The following NKAIN2 variants were observed in gnomAD, a reference collection of about 807,000 sequenced individuals.
The protein encoded by NKAIN2 is sodium/potassium transporting ATPase interacting 2, also known as sodium/potassium-transporting ATPase subunit beta-1-interacting protein 2.
A neutral mutation model predicts 32.6 loss-of-function variants in NKAIN2; 14 were observed. The ratio of observed to expected loss-of-function variants is 0.43; its 90% CI spans 0.28 to 0.67. The LOEUF is 0.67. Ranked by LOEUF, NKAIN2 falls within the 30% of genes least tolerant of loss-of-function variation. NKAIN2 has a pLI of 0.17. For missense variants in NKAIN2, 198 were observed against 258.3 expected, an observed-to-expected ratio of 0.77 and a Z score of 1.60; for synonymous variants, 80 against 87.2, an observed-to-expected ratio of 0.92 and a Z score of 0.46.
At chr6:124,657,724 T>C (rs530379242) in intron 3 of NKAIN2, among the ~76,000 whole-genome samples, 1 of 151,914 alleles carries the variant, frequency 6.6e-6, no homozygotes, top group Non-Finnish European at 1.5e-5. Context: ...CACAATATTA[T>C]GTTAAATGTT....
chr6:124,346,041 T>A (rs1420456832), intron 2 of NKAIN2, among the ~76,000 whole-genome samples: 2 of 152,202 alleles, frequency 1.3e-5, no homozygotes, highest in Non-Finnish European at 2.9e-5. Context: ...GTGTCTTTGT[T>A]CTCGTTGGTT....
At chr6:124,112,697 A>G (rs1378978693) in intron 1 of NKAIN2, among the ~76,000 whole-genome samples, 1 of 152,038 alleles carries the variant, frequency 6.6e-6, no homozygotes, top group Non-Finnish European at 1.5e-5. Flanking sequence ...CATAATTTGT[A>G]TATTGGTCTG....
At chr6:124,452,314 A>G (rs777796651) in intron 3 of NKAIN2, among the ~76,000 whole-genome samples, 1 of 151,896 alleles carries the variant, frequency 6.6e-6, no homozygotes. Context: ...TGTTGACCAG[A>G]GCATTGGTCA....
intron 4 of NKAIN2, among the ~76,000 whole-genome samples, chr6:124,771,815 T>G (rs1016466042): frequency 2.6e-4 from 39 of 152,270 alleles, no homozygotes; most frequent in African/African-American, 8.9e-4. Context: ...AGGTGACACT[T>G]AAGCTGAGTT....
At chr6:124,820,568 T>G (rs556999796) in intron 6 of NKAIN2, among the ~76,000 whole-genome samples, 1 of 152,180 alleles carries the variant, frequency 6.6e-6, no homozygotes, top group Non-Finnish European at 1.5e-5. Flanking sequence ...AGAAGTAACA[T>G]ACACTGCAAG....
chr6:124,751,631 A>G (rs576466473), intron 4 of NKAIN2, among the ~76,000 whole-genome samples: 1 of 152,006 alleles, frequency 6.6e-6, no homozygotes, highest in East Asian at 1.9e-4. Context: ...CCGTGGCTGT[A>G]GTAGAGTAGG....
At chr6:123,906,963 C>G (rs1173548927) in intron 1 of NKAIN2, among the ~76,000 whole-genome samples, 1 of 152,124 alleles carries the variant, frequency 6.6e-6, no homozygotes, top group East Asian at 1.9e-4. Flanking sequence ...AAGACAAGTA[C>G]TTTTTTAAGC....
intron 1 of NKAIN2, among the ~76,000 whole-genome samples, chr6:124,268,465 C>T (rs1270630088): frequency 6.6e-6 from 1 of 151,914 alleles, no homozygotes; most frequent in Non-Finnish European, 1.5e-5. Context: ...GAAGGAAAGT[C>T]GTTAGGAGAT....
At chr6:124,786,406 C>T (rs375238900) in intron 4 of NKAIN2, among the ~76,000 whole-genome samples, 3 of 152,046 alleles carry the variant, frequency 2.0e-5, no homozygotes, top group South Asian at 2.1e-4. Context: ...ATAGATTAAA[C>T]GCTAAGGTTG....
chr6:124,680,915 T>G (rs775387122), intron 4 of NKAIN2, among the ~76,000 whole-genome samples: 1 of 151,898 alleles, frequency 6.6e-6, no homozygotes, highest in Non-Finnish European at 1.5e-5. Flanking sequence ...TAAAATATAC[T>G]TCTACTTAGT....
At chr6:124,253,623 T>C (rs1793786430) in intron 1 of NKAIN2, among the ~76,000 whole-genome samples, 1 of 152,118 alleles carries the variant, frequency 6.6e-6, no homozygotes, top group Non-Finnish European at 1.5e-5. Flanking sequence ...TTATTTACCT[T>C]GAAAATCAAA....
chr6:124,657,914 T>C (rs144689061), intron 3 of NKAIN2, among the ~76,000 whole-genome samples: 1 of 152,146 alleles, frequency 6.6e-6, no homozygotes, highest in Admixed American at 6.5e-5. Flanking sequence ...TGAATATAAA[T>C]CATTAGTAAT....
At chr6:124,754,196 C>T (rs1777855969) in intron 4 of NKAIN2, among the ~76,000 whole-genome samples, 1 of 152,012 alleles carries the variant, frequency 6.6e-6, no homozygotes. Flanking sequence ...AAGTCATTTG[C>T]AATGACTTCA....
chr6:124,071,439 C>T (rs1242042394), intron 1 of NKAIN2, among the ~76,000 whole-genome samples: 2 of 152,126 alleles, frequency 1.3e-5, no homozygotes, highest in African/African-American at 4.8e-5. Flanking sequence ...ACTAAGTCCT[C>T]AAAAGCAATT....
chr6:123,850,493 A>G lies in NKAIN2; in HGVS notation c.54+46239A>G, dbSNP rs1047490443. Among the ~76,000 whole-genome samples the G allele has an allele frequency of 3.3e-5, 5 of 152,140 alleles. No homozygotes were observed. The South Asian group carries it at 1.0e-3, about 32-fold the overall frequency. Reference sequence around the variant, plus strand: ...TTGAGGCAATGAGTAATCCAACGACATTTTATCTATGTTCTTGTGGGAACA... The same window carrying G: ...TTGAGGCAATGAGTAATCCAACGACGTTTTATCTATGTTCTTGTGGGAACA... On this transcript the variant is annotated intron_variant, in intron 1 of 6. Coordinates refer to ENST00000368417, the MANE Select transcript of NKAIN2 (RefSeq NM_001040214.3).
Position 124,364,321 on chromosome 6 carries a change from G to C in NKAIN2, c.273+8974G>C, listed in dbSNP as rs55971534. ...AATATGCACATTATTGAATTACCAG[G>C]ATAAAAAAACAGAATTGGATAGAAG... On this transcript the variant is annotated intron_variant, in intron 3 of 6. Transcript: ENST00000368417. Among the ~76,000 whole-genome samples, 693 of 150,644 alleles carry C rather than the reference G, an allele frequency of 4.6e-3. 4 individuals carry two copies. The highest frequency in any genetic ancestry group is 0.016 in the African/African-American group (675 of 41,128).
At chr6:124,530,389 G>C (rs759681811) in intron 3 of NKAIN2, among the ~76,000 whole-genome samples, 1 of 152,122 alleles carries the variant, frequency 6.6e-6, no homozygotes, top group Non-Finnish European at 1.5e-5. Context: ...TCTTCACATC[G>C]ATTAGGTTGA....
In NKAIN2 at chr6:123,927,589, C is replaced by G. The variant is rs115824466; in HGVS notation, c.54+123335C>G. Among the ~76,000 whole-genome samples the G allele has an allele frequency of 8.1e-3, 1,233 of 152,276 alleles. 16 individuals carry two copies. Among genetic ancestry groups the G allele is most frequent in the African/African-American group, 0.028 (1,151 of 41,548 alleles). ...TAGGATATAACTTAAGTTGTTTTAA[C>G]AGACCAAAAGAGAAAGTGGCTTAAA... On this transcript the variant is annotated intron_variant, in intron 1 of 6. Coordinates refer to ENST00000368417, the MANE Select transcript of NKAIN2 (RefSeq NM_001040214.3).
chr6:124,415,601 C>T (rs565749218), intron 3 of NKAIN2, among the ~76,000 whole-genome samples: 21 of 152,192 alleles, frequency 1.4e-4, no homozygotes, highest in African/African-American at 4.1e-4. Context: ...ACCTTCATCC[C>T]CTATTTCTCC....
Sources: gnomAD v4.1 joint callset for allele counts (sites outside exome capture counted in the v4.1 genomes callset) on GRCh38, gnomAD v4.1.1 for gene constraint, MANE v1.5 for transcripts, NCBI Gene and HGNC (gene_info 2026-07-23, HGNC 2026-07-21) for gene names.